The following FBXO21 variants were observed in gnomAD, a reference collection of about 807,000 sequenced individuals.
FBXO21 encodes F-box protein 21.
FBXO21 carries 32 observed loss-of-function variants against 76.6 expected under a neutral mutation model. The ratio of observed to expected loss-of-function variants is 0.42; its 90% CI spans 0.32 to 0.56. The LOEUF is 0.56. FBXO21 is among the 20% of genes least tolerant of loss of function. The pLI is 0.16. For missense variants in FBXO21, 586 were observed against 797.3 expected, an observed-to-expected ratio of 0.73 and a Z score of 3.19; for synonymous variants, 328 against 311.5, an observed-to-expected ratio of 1.05 and a Z score of -0.56.
chr12:117,167,989 A>G (rs1956075023), intron 7 of FBXO21, among the ~76,000 whole-genome samples: 1 of 152,150 alleles, frequency 6.6e-6, no homozygotes, highest in South Asian at 2.1e-4. Context: ...CGCTGAGCAC[A>G]ATGCTGAGCA....
rs1465234768 is a variant in FBXO21 at position 117,155,849 on chromosome 12, G to A, written c.1617C>T (p.His539=). 3 of 1,614,216 alleles carry A rather than the reference G, an allele frequency of 1.9e-6. No individual in the cohort carries two copies. In the South Asian group the frequency reaches 3.3e-5, roughly 18 times the overall value. Residue 539 remains histidine, a synonymous_variant, in exon 11 of 12, where the codon CAC becomes CAT. Coordinates refer to ENST00000622495, the MANE Select transcript of FBXO21 (RefSeq NM_015002.3). ...NMNVHSLPHG[H]HQPFYNVLVE... The stretch of plus-strand genomic sequence containing the variant: ...CCAGCACGTTATAGAAAGGCTGGTG[G>A]TGGCCGTGCGGCAGGCTGTGGACGT...
intron 8 of FBXO21, among the ~76,000 whole-genome samples, chr12:117,165,948 G>A (rs1186124188): frequency 1.3e-5 from 2 of 152,100 alleles, no homozygotes; most frequent in African/African-American, 4.8e-5. Flanking sequence ...CCACCACTTT[G>A]GGAGGCCAAG....
intron 9 of FBXO21, among the ~76,000 whole-genome samples, chr12:117,162,253 G>T (rs1037808856): frequency 2.7e-5 from 4 of 147,250 alleles, no homozygotes; most frequent in African/African-American, 9.7e-5. Context: ...GAGGACGAAG[G>T]TCTGGCAGCA....
At chr12:117,159,311 A>G (rs1378976786) in intron 9 of FBXO21, among the ~76,000 whole-genome samples, 4 of 54,766 alleles carry the variant, frequency 7.3e-5, no homozygotes, top group Non-Finnish European at 1.5e-4. Context: ...GATTAGGTGG[A>G]AAAAAAAAAA....
At chr12:117,152,538 A>G (rs1239175116) in intron 11 of FBXO21, among the ~76,000 whole-genome samples, 5 of 148,966 alleles carry the variant, frequency 3.4e-5, no homozygotes, top group Admixed American at 1.4e-4. Flanking sequence ...AAGGGGGGAA[A>G]AAAAATGAAG....
intron 11 of FBXO21, among the ~76,000 whole-genome samples, chr12:117,148,764 C>T (rs377453365): frequency 2.6e-5 from 4 of 152,112 alleles, no homozygotes; most frequent in Admixed American, 2.0e-4. Context: ...AGACAGCAGG[C>T]GGGGAGGGGC....
rs563441069 is a variant in FBXO21 at position 117,181,873 on chromosome 12, A to T, written c.471-4232T>A. Among the ~76,000 whole-genome samples, 11 of 152,038 alleles carry T rather than the reference A, an allele frequency of 7.2e-5. No homozygotes were observed. In the East Asian group the frequency reaches 2.1e-3, roughly 29 times the overall value. ...TCCATGTTGGCCAGGCTGGTCTCGAACTCCTGACCTCAGGTGATCTGCCCA... is the reference window on the plus strand; with the variant it reads ...TCCATGTTGGCCAGGCTGGTCTCGATCTCCTGACCTCAGGTGATCTGCCCA... On this transcript the variant is annotated intron_variant, in intron 3 of 11. Transcript: ENST00000622495.
At chr12:117,161,651 G>A (rs530474060) in intron 9 of FBXO21, among the ~76,000 whole-genome samples, 1 of 152,150 alleles carries the variant, frequency 6.6e-6, no homozygotes, top group Non-Finnish European at 1.5e-5. Context: ...ACGTGCAGGG[G>A]TGTAGCAGGT....
chr12:117,147,460 G>C (rs991027715), intron 11 of FBXO21, among the ~76,000 whole-genome samples: 2 of 150,686 alleles, frequency 1.3e-5, no homozygotes, highest in African/African-American at 4.9e-5. Flanking sequence ...TTAGCTGGGC[G>C]TCATGGCGGG....
intron 11 of FBXO21, among the ~76,000 whole-genome samples, chr12:117,153,505 G>A (rs1955871098): frequency 1.3e-5 from 2 of 152,224 alleles, no homozygotes; most frequent in Admixed American, 1.3e-4. Flanking sequence ...TGGGCACGGA[G>A]CCCAGAGAAG....
chr12:117,172,488 C>G lies in FBXO21; in HGVS notation c.996G>C (p.Trp332Cys). 1 of 1,613,658 alleles carries G rather than the reference C, an allele frequency of 6.2e-7. No homozygotes were observed. The highest frequency in any genetic ancestry group is 8.5e-7 in the Non-Finnish European group (1 of 1,179,744). ...ATGCTCACCCTTCTGCGCCTTGGCA[C>G]CACCTTAATAAGAAGTGACTTGGGA... ...VNFPSHFLLR[W>C]CQGAEGATLD... Residue 332 changes from tryptophan to cysteine, a missense_variant, in exon 7 of 12, where the codon TGG becomes TGC. By Grantham distance (215) the Trp-to-Cys change is radical. Transcript: ENST00000622495.
Position 117,177,578 on chromosome 12 carries a change from G to T in FBXO21, c.534C>A (p.Ile178=). The T allele has an allele frequency of 6.2e-7, 1 of 1,613,906 alleles. No individual in the cohort carries two copies. The highest frequency in any genetic ancestry group is 8.5e-7 in the Non-Finnish European group (1 of 1,179,828). Residue 178 remains isoleucine, a synonymous_variant, in exon 4 of 12, where the codon ATC becomes ATA. Coordinates refer to ENST00000622495, the MANE Select transcript of FBXO21 (RefSeq NM_015002.3). ...KILYYLRQQK[I]LNNLKAFLQQ... Reference sequence around the variant, plus strand: ...GAAGAAAGGCCTTAAGATTATTTAAGATCTTCTGTTGCCGCAGGTAGTAAA... The same window carrying T: ...GAAGAAAGGCCTTAAGATTATTTAATATCTTCTGTTGCCGCAGGTAGTAAA...
chr12:117,158,505 A>T lies in FBXO21; in HGVS notation c.1327-442T>A, dbSNP rs147311797. Among the ~76,000 whole-genome samples, 66 of 152,240 alleles carry T rather than the reference A, an allele frequency of 4.3e-4. 1 individual carries two copies. Among genetic ancestry groups the T allele is most frequent in the Non-Finnish European group, 1.9e-4 (13 of 68,010 alleles). On this transcript the variant is annotated intron_variant, in intron 9 of 11. Transcript: ENST00000622495. The stretch of plus-strand genomic sequence containing the variant: ...CAGGAATGATTTTCACTTGCCACTC[A>T]CGAATTCAGAGGGGAAAAAAAAATG...
intron 11 of FBXO21, among the ~76,000 whole-genome samples, chr12:117,150,555 G>A (rs180815908): frequency 1.6e-4 from 25 of 152,226 alleles, no homozygotes; most frequent in African/African-American, 5.3e-4. Context: ...CCACTCACCC[G>A]CAACTGGCTT....
In FBXO21 at chr12:117,186,523, T is replaced by C; in HGVS notation, c.424A>G (p.Ile142Val). 1 of 1,613,456 alleles carries C rather than the reference T, an allele frequency of 6.2e-7. No individual in the cohort carries two copies. Among genetic ancestry groups the C allele is most frequent in the Non-Finnish European group, 8.5e-7 (1 of 1,179,784 alleles). ...CACACCAGTTCATCCTCAAAAAAAA[T>C]CTCTGGTCCTTCAAGGTTCTCAATG... ...SDIENLEGPEIFFEDELVCIL... is the reference protein window; with the variant it reads ...SDIENLEGPEVFFEDELVCIL... Residue 142 changes from isoleucine to valine, a missense_variant, in exon 3 of 12, where the codon ATT (isoleucine) becomes GTT (valine). Around this residue, in one of 6 missense-constraint regions of FBXO21, gnomAD observed 246 missense variants for 356.8 expected, o/e 0.69. Coordinates refer to ENST00000622495, the MANE Select transcript of FBXO21 (RefSeq NM_015002.3).
chr12:117,167,274 C>T (rs1222675895), intron 7 of FBXO21, among the ~76,000 whole-genome samples, 197 bp from the exon 8 acceptor site: 1 of 152,182 alleles, frequency 6.6e-6, no homozygotes, highest in Non-Finnish European at 1.5e-5. Flanking sequence ...ATTTAAGAAA[C>T]AGCACCAATG....
chr12:117,149,631 G>A (rs371981380), intron 11 of FBXO21, among the ~76,000 whole-genome samples: 94 of 152,284 alleles, frequency 6.2e-4, no homozygotes, highest in African/African-American at 2.1e-3. Context: ...ACCCTACAAC[G>A]CACAGGACGG....
In FBXO21 at chr12:117,174,763, G is replaced by C; in HGVS notation, c.627C>G (p.Leu209=). ...GGATGTCTTTGAGGCTGATGTCGGA[G>C]AGAGGATTGCAGTACTGGTCAATAT... ...AVYIDQYCNP[L]SDISLKDIQA... Residue 209 remains leucine (L), a synonymous_variant, in exon 5 of 12, where the codon CTC becomes CTG. Coordinates refer to ENST00000622495, the MANE Select transcript of FBXO21 (RefSeq NM_015002.3). 1 of 1,614,176 alleles carries C rather than the reference G, an allele frequency of 6.2e-7. No individual in the cohort carries two copies. The highest frequency in any genetic ancestry group is 8.5e-7 in the Non-Finnish European group (1 of 1,180,022).
At chr12:117,176,034 A>T (rs1282356534) in intron 4 of FBXO21, among the ~76,000 whole-genome samples, 5 of 152,234 alleles carry the variant, frequency 3.3e-5, no homozygotes, top group Non-Finnish European at 5.9e-5. Context: ...TATTTTAATC[A>T]ACTGAAACAG....
Sources: gnomAD v4.1 joint callset for allele counts (sites outside exome capture counted in the v4.1 genomes callset) on GRCh38, gnomAD v4.1.1 for gene constraint, gnomAD v4.1.1 regional missense constraint, MANE v1.5 for transcripts, NCBI Gene and HGNC (gene_info 2026-07-23, HGNC 2026-07-21) for gene names.